The following FILIP1 variants were observed in gnomAD, a reference collection of about 807,000 sequenced individuals.
FILIP1 encodes filamin-A-interacting protein 1.
A neutral mutation model predicts 102.1 loss-of-function variants in FILIP1; 61 were observed. The ratio of observed to expected loss-of-function variants is 0.60; its 90% CI spans 0.49 to 0.74. The LOEUF is 0.74. Among genes scored for constraint, FILIP1 ranks in the 30% least tolerant of loss-of-function variants. The pLI is 0.00. For missense variants in FILIP1, 1,314 were observed against 1,441.2 expected, an observed-to-expected ratio of 0.91 and a Z score of 1.43; for synonymous variants, 491 against 526.9, an observed-to-expected ratio of 0.93 and a Z score of 0.93.
At chr6:75,455,006 C>T (rs1050566079) in intron 1 of FILIP1, 2 of 151,726 alleles carry the variant, frequency 1.3e-5, no homozygotes, top group Non-Finnish European at 2.9e-5. Flanking sequence ...GAAAGGGTAC[C>T]TAGGAGGTGG....
intron 1 of FILIP1, among the ~76,000 whole-genome samples, chr6:75,467,439 A>G (rs1779200025): frequency 1.3e-5 from 2 of 152,164 alleles, no homozygotes; most frequent in South Asian, 4.1e-4. Flanking sequence ...TCTCTGACAG[A>G]TGGGAAGAAA....
intron 2 of FILIP1, among the ~76,000 whole-genome samples, chr6:75,392,172 G>A (rs1194095226): frequency 6.6e-6 from 1 of 152,042 alleles, no homozygotes; most frequent in Non-Finnish European, 1.5e-5. Flanking sequence ...CAGTCTCTCA[G>A]TGCTGGAATT....
chr6:75,409,403 G>A (rs1055380567), intron 2 of FILIP1, among the ~76,000 whole-genome samples: 10 of 152,046 alleles, frequency 6.6e-5, no homozygotes, highest in African/African-American at 2.4e-4. Flanking sequence ...GACAGTGAGA[G>A]GACTCTAGCA....
At chr6:75,457,798 A>C (rs1582538841) in intron 1 of FILIP1, among the ~76,000 whole-genome samples, 2 of 152,326 alleles carry the variant, frequency 1.3e-5, no homozygotes, top group Admixed American at 1.3e-4. Context: ...TGAATGCAAA[A>C]TTAATCAATC....
intron 1 of FILIP1, among the ~76,000 whole-genome samples, chr6:75,433,792 G>C (rs1465409652): frequency 2.0e-5 from 3 of 152,120 alleles, no homozygotes; most frequent in Non-Finnish European, 4.4e-5. Flanking sequence ...GTATTGCCTA[G>C]GTTTTCTTCT....
intron 1 of FILIP1, among the ~76,000 whole-genome samples, chr6:75,428,929 T>C (rs1211020652): frequency 2.0e-5 from 3 of 152,186 alleles, no homozygotes; most frequent in Admixed American, 2.0e-4. Flanking sequence ...CCTGCATAGC[T>C]ACATTTAGCT....
At chr6:75,408,799 T>C (rs1776957982) in intron 2 of FILIP1, among the ~76,000 whole-genome samples, 1 of 152,204 alleles carries the variant, frequency 6.6e-6, no homozygotes, top group South Asian at 2.1e-4. Context: ...TTTCTTTGTA[T>C]GTCACCCTAT....
chr6:75,417,968 T>C (rs2149691873), intron 1 of FILIP1, among the ~76,000 whole-genome samples: 1 of 152,198 alleles, frequency 6.6e-6, no homozygotes, highest in South Asian at 2.1e-4. Flanking sequence ...GAGGCCAAGG[T>C]GGGTGGATCA....
At position 75,319,927 on chromosome 6, in the gene FILIP1, G is replaced by C. The variant is rs74296343; in HGVS notation, c.630-4725C>G. ...CCTCCTCCGGACAAGTTTGCACAAAGAATGCATATCATGACATTTTGCCTC... is the reference window on the plus strand; with the variant it reads ...CCTCCTCCGGACAAGTTTGCACAAACAATGCATATCATGACATTTTGCCTC... On this transcript the variant is annotated intron_variant, in intron 4 of 5. Coordinates refer to ENST00000237172, the MANE Select transcript of FILIP1 (RefSeq NM_015687.5). 4,560 of 458,036 alleles carry C rather than the reference G, an allele frequency of 1.0e-2. 201 individuals are homozygous for C. The East Asian group carries it at 0.12, about 12-fold the overall frequency. 28.4% of individuals were successfully genotyped at this position (458,036 alleles called of 1,614,324 possible).
At chr6:75,340,726 C>A (rs564685136) in intron 4 of FILIP1, among the ~76,000 whole-genome samples, 2 of 151,896 alleles carry the variant, frequency 1.3e-5, no homozygotes, top group East Asian at 1.9e-4. Context: ...GGTGGAGTCT[C>A]ACTTTGTCAC....
At chr6:75,406,173 A>G (rs1034750107) in intron 2 of FILIP1, among the ~76,000 whole-genome samples, 1 of 151,870 alleles carries the variant, frequency 6.6e-6, no homozygotes, top group Admixed American at 6.6e-5. Context: ...ACATCGCTCT[A>G]CTCCCCTGGA....
chr6:75,414,641 T>C, intron 2 of FILIP1, 56 bp downstream of exon 2: 1 of 1,502,604 alleles, frequency 6.7e-7, no homozygotes, highest in Non-Finnish European at 9.1e-7. Flanking sequence ...TACATTCTCT[T>C]ATTTTATAGC....
chr6:75,327,842 T>C (rs1252575345), intron 4 of FILIP1, among the ~76,000 whole-genome samples: 13 of 152,134 alleles, frequency 8.5e-5, no homozygotes, highest in African/African-American at 3.1e-4. Flanking sequence ...CTCATCAGTG[T>C]TTCTCAAAAA....
At chr6:75,381,427 A>C (rs936752169) in intron 2 of FILIP1, among the ~76,000 whole-genome samples, 1 of 152,056 alleles carries the variant, frequency 6.6e-6, no homozygotes, top group African/African-American at 2.4e-5. Flanking sequence ...ATGAGGTTTC[A>C]CCATGTTGGT....
chr6:75,299,441 AT>A (rs777111421), intron 6 of FILIP1, among the ~76,000 whole-genome samples: 7 of 152,206 alleles, frequency 4.6e-5, no homozygotes, highest in Non-Finnish European at 1.0e-4. Flanking sequence ...CAAACTCAAA[AT>A]AGCAAAGCAC....
At chr6:75,443,340 T>C (rs1205524800) in intron 1 of FILIP1, among the ~76,000 whole-genome samples, 1 of 152,240 alleles carries the variant, frequency 6.6e-6, no homozygotes, top group African/African-American at 2.4e-5. Flanking sequence ...AATCAATTTT[T>C]AATAGATTAT....
intron 4 of FILIP1, among the ~76,000 whole-genome samples, chr6:75,315,901 C>T (rs140129288): frequency 5.3e-4 from 81 of 152,336 alleles, no homozygotes; most frequent in Non-Finnish European, 9.7e-4. Flanking sequence ...ACGTAAACTA[C>T]GTAACTGTCA....
intron 5 of FILIP1, among the ~76,000 whole-genome samples, chr6:75,311,051 C>T (rs971194640): frequency 2.6e-5 from 4 of 152,094 alleles, no homozygotes; most frequent in South Asian, 2.1e-4. Context: ...CTAGAAATCA[C>T]GATTTCTAGT....
chr6:75,489,944 C>G (rs1582581705), intron 1 of FILIP1, among the ~76,000 whole-genome samples: 1 of 151,814 alleles, frequency 6.6e-6, no homozygotes, highest in Non-Finnish European at 1.5e-5. Context: ...ACGAGCTTGC[C>G]CCCTCATTTC....
Sources: gnomAD v4.1 joint callset for allele counts (sites outside exome capture counted in the v4.1 genomes callset) on GRCh38, gnomAD v4.1.1 for gene constraint, MANE v1.5 for transcripts, NCBI Gene and HGNC (gene_info 2026-07-23, HGNC 2026-07-21) for gene names.